KREMEN1: variants seen among roughly 807,000 people sequenced by gnomAD.
KREMEN1 encodes the protein kremen protein 1.
Under a neutral mutation model 46.5 loss-of-function variants are expected in KREMEN1, and 30 were observed. The observed-to-expected ratio is 0.65, with a 90% CI of 0.48 to 0.88. The LOEUF (loss-of-function observed/expected upper bound fraction) is 0.88, where lower values mean the gene tolerates loss of function less well. Among genes scored for constraint, KREMEN1 ranks in the 40% least tolerant of loss-of-function variants. KREMEN1 has a pLI of 0.00. For missense variants in KREMEN1, 533 were observed against 596.9 expected (o/e 0.89, Z 1.11); for synonymous variants, 214 against 230.6 (o/e 0.93, Z 0.65).
Position 29,106,576 on chromosome 22 carries a change from T to G in KREMEN1, c.352+7623T>G, listed in dbSNP as rs184003244. 1.5e-4 allele frequency among the ~76,000 whole-genome samples: 23 copies of G among 152,160 alleles called. 1 individual carries two copies. The highest frequency in any genetic ancestry group is 4.1e-4 in the African/African-American group (17 of 41,504). On this transcript the variant is annotated intron_variant, in intron 3 of 8. Coordinates refer to ENST00000400335, the MANE Select transcript of KREMEN1 (RefSeq NM_001039570.3). ...CGCCTCCATTTCTCAGATAAGAAAA[T>G]TGAGCCCAGATAGTTAAGTGATTTG...
intron 1 of KREMEN1, among the ~76,000 whole-genome samples, chr22:29,074,400 G>T (rs1230654092): frequency 6.6e-6 from 1 of 152,244 alleles, no homozygotes; most frequent in Non-Finnish European, 1.5e-5. Flanking sequence ...CCTTAGACAG[G>T]TCACTCACTA....
intron 1 of KREMEN1, 39 bp from the exon 2 acceptor site, chr22:29,094,219 G>A: frequency 6.4e-7 from 1 of 1,556,544 alleles, no homozygotes; most frequent in East Asian, 2.3e-5. Context: ...CATGAATGTT[G>A]CCAGAAAATT....
chr22:29,141,064 G>A (rs1000633816), intron 8 of KREMEN1, among the ~76,000 whole-genome samples: 1 of 152,156 alleles, frequency 6.6e-6, no homozygotes. Flanking sequence ...ACTAAAAGCT[G>A]TCTTTTTCCT....
intron 3 of KREMEN1, among the ~76,000 whole-genome samples, chr22:29,109,433 TG>T (rs2038109692): frequency 6.6e-6 from 1 of 152,010 alleles, no homozygotes; most frequent in Non-Finnish European, 1.5e-5. Context: ...TATAAATAAG[TG>T]TTGAATTATG....
chr22:29,141,217 T>C (rs1420701154), intron 8 of KREMEN1, among the ~76,000 whole-genome samples: 1 of 132,430 alleles, frequency 7.6e-6, no homozygotes, highest in Non-Finnish European at 1.6e-5. Flanking sequence ...TTAGTGGAAA[T>C]AATGTCCTCG....
chr22:29,102,825 G>A (rs2037997060), intron 3 of KREMEN1, among the ~76,000 whole-genome samples: 1 of 152,184 alleles, frequency 6.6e-6, no homozygotes, highest in Non-Finnish European at 1.5e-5. Flanking sequence ...GGTCTGGGCA[G>A]AGAGATTTGT....
In KREMEN1 at chr22:29,146,007, C is replaced by T. The variant is rs536090478; in HGVS notation, c.*3895C>T. The stretch of plus-strand genomic sequence containing the variant: ...CCAGCCCCGATGCATCCTGGCACTG[C>T]ACGCTTACTCTTCACAAGCACTTAT... On this transcript the variant is annotated 3_prime_UTR_variant, in exon 9 of 9. Coordinates refer to ENST00000400335, the MANE Select transcript of KREMEN1 (RefSeq NM_001039570.3). 1.5e-5 allele frequency: 15 copies of T among 985,514 alleles called. No individual in the cohort carries two copies. Among genetic ancestry groups the T allele is most frequent in the Non-Finnish European group, 1.8e-5 (15 of 829,588 alleles). The allele number at this position is 985,514 out of a possible 1,614,324, so 61.0% of individuals were successfully genotyped here.
chr22:29,127,620 G>A (rs1008107967), intron 5 of KREMEN1, among the ~76,000 whole-genome samples: 10 of 151,758 alleles, frequency 6.6e-5, no homozygotes, highest in African/African-American at 2.2e-4. Flanking sequence ...CTGAGATAGC[G>A]CTCTGCCTGG....
intron 1 of KREMEN1, among the ~76,000 whole-genome samples, chr22:29,079,216 T>C (rs1241552948): frequency 6.6e-6 from 1 of 151,970 alleles, no homozygotes. Flanking sequence ...GGGAATTCCT[T>C]CCCCTCCTTT....
chr22:29,122,940 C>G (rs1421786336), intron 4 of KREMEN1, among the ~76,000 whole-genome samples: 1 of 56,406 alleles, frequency 1.8e-5, no homozygotes, highest in African/African-American at 8.3e-5. Context: ...GACTCTGTCT[C>G]AAAAAAAAAA....
intron 1 of KREMEN1, among the ~76,000 whole-genome samples, chr22:29,077,062 A>C (rs1460317557): frequency 6.6e-6 from 1 of 152,266 alleles, no homozygotes. Flanking sequence ...ATATTGCTTT[A>C]AATAGCTTCA....
intron 5 of KREMEN1, among the ~76,000 whole-genome samples, chr22:29,130,911 A>G (rs532483530): frequency 6.6e-6 from 1 of 152,350 alleles, no homozygotes; most frequent in Admixed American, 6.5e-5. Context: ...CTGTTGGATT[A>G]TCACTGAATT....
At chr22:29,146,847 A>G (rs2038873476), downstream of KREMEN1, 1 of 937,750 alleles carries the variant, frequency 1.1e-6, no homozygotes, top group Admixed American at 6.2e-5. Flanking sequence ...TGTCATTTCT[A>G]TGGGAGTTCC....
intron 7 of KREMEN1, 50 bp from the exon 8 acceptor site, chr22:29,140,232 G>A (rs748566523): frequency 4.9e-5 from 75 of 1,528,014 alleles, no homozygotes; most frequent in South Asian, 3.5e-4. Context: ...ACCTCCTTTC[G>A]AAAACCAACC....
chr22:29,124,965 CT>C (rs1313492695), intron 4 of KREMEN1, among the ~76,000 whole-genome samples: 3 of 152,176 alleles, frequency 2.0e-5, no homozygotes, highest in Non-Finnish European at 4.4e-5. Context: ...AAATGTTTAG[CT>C]GTTACTCACA....
At chr22:29,077,256 T>C (rs2145731126) in intron 1 of KREMEN1, among the ~76,000 whole-genome samples, 1 of 152,366 alleles carries the variant, frequency 6.6e-6, no homozygotes, top group Non-Finnish European at 1.5e-5. Context: ...TATTCAACTC[T>C]GTAGGGCAAA....
Position 29,142,873 on chromosome 22 carries a change from G to T in KREMEN1, c.*761G>T. 1.0e-6 allele frequency: 1 copy of T among 985,402 alleles called. No homozygotes were observed. The highest frequency in any genetic ancestry group is 1.2e-6 in the Non-Finnish European group (1 of 829,894). 61.0% of individuals were successfully genotyped at this position (985,402 alleles called of 1,614,324 possible). A position where few individuals can be genotyped will look rare whatever the true frequency, so the allele number is the denominator to read the frequency against. On this transcript the variant is annotated 3_prime_UTR_variant, in exon 9 of 9. Coordinates refer to ENST00000400335, the MANE Select transcript of KREMEN1 (RefSeq NM_001039570.3). ...GTCATATAAAACATCCATTCAGCTG[G>T]GCGCGATGGCTCATGCCTGTAATCC...
intron 1 of KREMEN1, among the ~76,000 whole-genome samples, chr22:29,079,168 C>A (rs565064444): frequency 1.8e-3 from 280 of 152,320 alleles, no homozygotes; most frequent in Non-Finnish European, 3.4e-3. Context: ...ATACACCTCA[C>A]AAATAACTAC....
chr22:29,115,509 T>A (rs1343481574), intron 3 of KREMEN1, among the ~76,000 whole-genome samples: 1 of 152,054 alleles, frequency 6.6e-6, no homozygotes, highest in Non-Finnish European at 1.5e-5. Flanking sequence ...GAAGTGCTTG[T>A]TCATTCAGCA....
Sources: gnomAD v4.1 joint callset for allele counts (sites outside exome capture counted in the v4.1 genomes callset) on GRCh38, gnomAD v4.1.1 for gene constraint, MANE v1.5 for transcripts, NCBI Gene and HGNC (gene_info 2026-07-23, HGNC 2026-07-21) for gene names.